The following CELF2 variants were observed in gnomAD, a reference collection of about 807,000 sequenced individuals.
CELF2 encodes the protein CUGBP Elav-like family member 2.
In CELF2, 8 loss-of-function variants were observed where a neutral mutation model predicts 62.6. The ratio of observed to expected loss-of-function variants is 0.13; its 90% CI spans 0.07 to 0.23. CELF2 has a LOEUF of 0.23. Ranked by LOEUF, CELF2 falls within the 10% of genes least tolerant of loss-of-function variation. CELF2 has a pLI of 1.00. For missense variants in CELF2, 333 were observed against 671.0 expected, an observed-to-expected ratio of 0.50 and a Z score of 5.56; for synonymous variants, 258 against 250.0, an observed-to-expected ratio of 1.03 and a Z score of -0.30.
chr10:10,487,428 G>T, the CELF2 span, among the ~76,000 whole-genome samples: 1 of 152,132 alleles, frequency 6.6e-6, no homozygotes, highest in Non-Finnish European at 1.5e-5. Context: ...GGATTGGACT[G>T]GTTCTAAAGC....
chr10:10,885,898 A>G lies in CELF2; in HGVS notation c.54-34066A>G, dbSNP rs562677620. Among the ~76,000 whole-genome samples, 15 of 152,288 alleles carry G rather than the reference A, an allele frequency of 9.8e-5. 1 individual carries two copies. Among genetic ancestry groups the G allele is most frequent in the Admixed American group, 7.8e-4 (12 of 15,306 alleles). On this transcript the variant is annotated intron_variant, in intron 1 of 13. Transcript: ENST00000636488. ...TATGACCCTCATTCTCCTGCACTTT[A>G]AGATCCTTAATTTAATCACATCTGC...
chr10:10,856,191 A>G (rs2059695384), intron 1 of CELF2, among the ~76,000 whole-genome samples: 1 of 152,202 alleles, frequency 6.6e-6, no homozygotes, highest in Admixed American at 6.5e-5. Context: ...ACTATATTTT[A>G]CTTTAATCCT....
chr10:10,499,484 G>A, the CELF2 span, among the ~76,000 whole-genome samples: 1 of 152,220 alleles, frequency 6.6e-6, no homozygotes, highest in Non-Finnish European at 1.5e-5. Flanking sequence ...GCTATGTTAA[G>A]TTCGCTTAGG....
intron 1 of CELF2, among the ~76,000 whole-genome samples, chr10:10,904,359 TG>T (rs920467180): frequency 2.0e-5 from 3 of 151,978 alleles, no homozygotes; most frequent in African/African-American, 7.2e-5. Context: ...CCCAAGTAGC[TG>T]GGACTACCGG....
At chr10:10,735,609 A>AC in the CELF2 span, among the ~76,000 whole-genome samples, 7 of 152,232 alleles carry the variant, frequency 4.6e-5, no homozygotes, top group Admixed American at 2.6e-4. Flanking sequence ...TTCAATTTAT[A>AC]CTGCCAATGA....
intron 1 of CELF2, among the ~76,000 whole-genome samples, chr10:11,021,012 C>A (rs555923486): frequency 6.6e-6 from 1 of 152,258 alleles, no homozygotes; most frequent in South Asian, 2.1e-4. Flanking sequence ...ATAATGAAAA[C>A]AGGCACTGAT....
At chr10:10,556,184 C>T in the CELF2 span, among the ~76,000 whole-genome samples, 1 of 152,018 alleles carries the variant, frequency 6.6e-6, no homozygotes, top group Non-Finnish European at 1.5e-5. Context: ...CCTCCTCCCT[C>T]CCCCCACCAC....
rs572221766 is a variant in CELF2, at chr10:11,111,191, T to G, written c.75-54295T>G. Reference sequence around the variant, plus strand: ...CTCAGACTTTCTGGGCCTTCTAATGTGTTAATCTACATCTTCTTCCCACTG... The same window carrying G: ...CTCAGACTTTCTGGGCCTTCTAATGGGTTAATCTACATCTTCTTCCCACTG... On this transcript the variant is annotated intron_variant, in intron 1 of 12. Coordinates refer to ENST00000633077, the MANE Select transcript of CELF2 (RefSeq NM_001326342.2). Among the ~76,000 whole-genome samples, 17 of 152,330 alleles carry G rather than the reference T, an allele frequency of 1.1e-4. No individual in the cohort carries two copies. In the East Asian group the frequency reaches 3.3e-3, roughly 29 times the overall value.
intron 3 of CELF2, among the ~76,000 whole-genome samples, chr10:11,231,902 A>G (rs2068836985): frequency 6.6e-6 from 1 of 152,098 alleles, no homozygotes; most frequent in African/African-American, 2.4e-5. Flanking sequence ...ATCTTTCATC[A>G]TCTCAATATT....
upstream of CELF2, among the ~76,000 whole-genome samples, chr10:11,000,327 C>G (rs2054393359): frequency 6.6e-6 from 1 of 152,116 alleles, no homozygotes. Flanking sequence ...AGCAGAGAAT[C>G]ATGATTACTC....
chr10:10,538,090 A>G, the CELF2 span, among the ~76,000 whole-genome samples: 1 of 152,160 alleles, frequency 6.6e-6, no homozygotes, highest in African/African-American at 2.4e-5. Flanking sequence ...TGTCACCCTC[A>G]GGCATAAAGG....
At chr10:10,951,117 A>G (rs1190951652) in intron 2 of CELF2, among the ~76,000 whole-genome samples, 1 of 152,174 alleles carries the variant, frequency 6.6e-6, no homozygotes, top group Non-Finnish European at 1.5e-5. Context: ...CAAATTCTTC[A>G]AACCACTCGG....
At chr10:10,867,969 G>A (rs10795830) in intron 1 of CELF2, among the ~76,000 whole-genome samples, 38,161 of 152,018 alleles carry the variant, frequency 0.25, 4,847 homozygotes, top group South Asian at 0.31. Flanking sequence ...ATGATATTGT[G>A]TCCAGATTCT....
chr10:10,920,073 C>T, intron 2 of CELF2: 6 of 1,043,308 alleles, frequency 5.8e-6, no homozygotes, highest in Non-Finnish European at 7.3e-6. Flanking sequence ...GCCATGTCTT[C>T]TGTAAGAGGT....
chr10:11,273,263 G>A (rs1355722766), intron 7 of CELF2, among the ~76,000 whole-genome samples: 3 of 151,944 alleles, frequency 2.0e-5, no homozygotes, highest in East Asian at 1.9e-4. Context: ...GAACCGGACC[G>A]CCCAGCAGGA....
chr10:11,146,811 G>A (rs114201643), intron 1 of CELF2, among the ~76,000 whole-genome samples: 1,777 of 152,302 alleles, frequency 0.012, 28 homozygotes, highest in African/African-American at 0.04. Context: ...ACATCCCCAG[G>A]TGTGTTTATC....
the CELF2 span, among the ~76,000 whole-genome samples, chr10:10,766,002 C>T: frequency 7.7e-3 from 1,169 of 152,318 alleles, 18 homozygotes; most frequent in African/African-American, 0.027. Flanking sequence ...ACCAAGCTAC[C>T]AATTTACAAA....
In CELF2 at chr10:11,018,089, C is replaced by G; in HGVS notation, c.-1C>G. Reference sequence around the variant, plus strand: ...CGCTGCCGCCGCGTGCGCCCGCGAACATGACTTCTGCCTTCAAGCTGGATT... The same window carrying G: ...CGCTGCCGCCGCGTGCGCCCGCGAAGATGACTTCTGCCTTCAAGCTGGATT... On this transcript the variant is annotated 5_prime_UTR_variant, in exon 1 of 13. Transcript: ENST00000633077. 1 of 1,481,900 alleles carries G rather than the reference C, an allele frequency of 6.7e-7. No individual in the cohort carries two copies. Among genetic ancestry groups the G allele is most frequent in the Non-Finnish European group, 9.0e-7 (1 of 1,106,928 alleles). The allele number at this position is 1,481,900 out of a possible 1,614,324, so 91.8% of individuals were successfully genotyped here.
Position 11,223,206 on chromosome 10 carries a change from T to TC in CELF2, c.354+5699_354+5700insC, listed in dbSNP as rs2065426277. 1.3e-5 allele frequency among the ~76,000 whole-genome samples: 2 copies of TC among 152,226 alleles called. No homozygotes were observed. Among genetic ancestry groups the TC allele is most frequent in the Non-Finnish European group, 2.9e-5 (2 of 68,036 alleles). On this transcript the variant is annotated intron_variant, in intron 3 of 12. Coordinates refer to ENST00000633077, the MANE Select transcript of CELF2 (RefSeq NM_001326342.2). This position sits in a 1 kb window ranked among gnomAD's most constrained non-coding sequence, Gnocchi z 5.1. ...GCCGTGCGATGATGGTGAGCTCTGC[T>TC]TCCCAGCATCCTCACAGTCAGGCCT... is the stretch of plus-strand genomic sequence containing the variant.
Sources: allele counts gnomAD v4.1 joint callset (sites outside exome capture counted in the v4.1 genomes callset), GRCh38; gene constraint gnomAD v4.1.1; non-coding constraint Gnocchi (gnomAD v3.1); transcripts MANE v1.5; gene names NCBI Gene and HGNC (gene_info 2026-07-23, HGNC 2026-07-21).